Variants in POT1 observed in about 807,000 individuals in gnomAD.
POT1 encodes the protein protection of telomeres protein 1.
A neutral mutation model predicts 78.5 loss-of-function variants in POT1; 47 were observed. The ratio of observed to expected loss-of-function variants is 0.60; its 90% CI spans 0.47 to 0.76. The LOEUF (loss-of-function observed/expected upper bound fraction) is 0.76, where lower values mean the gene tolerates loss of function less well. POT1 is among the 30% of genes least tolerant of loss of function. POT1 has a pLI of 0.00. For missense variants in POT1, 646 were observed against 749.9 expected (o/e 0.86, Z 1.62); for synonymous variants, 259 against 260.7 (o/e 0.99, Z 0.06).
At chr7:124,903,063 C>A (rs1488162880) in intron 3 of POT1, among the ~76,000 whole-genome samples, 3 of 152,142 alleles carry the variant, frequency 2.0e-5, no homozygotes, top group Non-Finnish European at 2.9e-5. Flanking sequence ...TAGACTCCCA[C>A]ACAATAATAA....
intron 13 of POT1, among the ~76,000 whole-genome samples, chr7:124,842,420 C>T (rs1795049521): frequency 1.3e-5 from 2 of 151,718 alleles, no homozygotes; most frequent in African/African-American, 4.8e-5. Flanking sequence ...AGAAGTTTAC[C>T]AACAAGGCTC....
chr7:124,823,992 A>C lies in POT1; in HGVS notation c.1875T>G (p.Phe625Leu), dbSNP rs1794569429. The change falls in exon 19 of 19, where the codon TTT becomes TTG. Residue 625 changes from phenylalanine to leucine, a missense_variant. Phe to Leu is a conservative substitution (Grantham distance 22). Around this residue, in one of 2 missense-constraint regions of POT1, gnomAD observed 394 missense variants for 408.4 expected, o/e 0.96. Coordinates refer to ENST00000357628, the MANE Select transcript of POT1 (RefSeq NM_015450.3). ...GTDNQICYQI[F>L]DTTVAEDVI ...TTACATCTTCTGCAACTGTGGTGTC[A>C]AAAATCTGATAGCAAATTTGATTAT... The C allele has an allele frequency of 2.5e-6, 4 of 1,602,128 alleles. No homozygotes were observed. The highest frequency in any genetic ancestry group is 3.4e-6 in the Non-Finnish European group (4 of 1,170,318).
chr7:124,916,188 A>C (rs1399296569), intron 2 of POT1, among the ~76,000 whole-genome samples: 1 of 152,142 alleles, frequency 6.6e-6, no homozygotes, highest in Admixed American at 6.6e-5. Context: ...GTTTTTGTAA[A>C]TAAAATTTAA....
At chr7:124,879,016 T>C (rs1796056122) in intron 6 of POT1, among the ~76,000 whole-genome samples, 1 of 152,084 alleles carries the variant, frequency 6.6e-6, no homozygotes. Context: ...AAAAAAAGAT[T>C]AAAAATTTAA....
At chr7:124,890,667 C>T (rs931167429) in intron 6 of POT1, among the ~76,000 whole-genome samples, 6 of 151,832 alleles carry the variant, frequency 4.0e-5, no homozygotes, top group African/African-American at 1.2e-4. Context: ...GATGATAACT[C>T]GCTGAAGGCT....
chr7:124,892,353 G>GTGTATATATATA lies in POT1; in HGVS notation c.25_36dup (p.Tyr9_Thr12dup). On this transcript the variant is annotated inframe_insertion, in exon 6 of 19. Transcript: ENST00000357628. Reference sequence around the variant, plus strand: ...GTACCACCCTTAAGTTGATTCAGGGGTGTATATATATAATTTGTTGCTGGA... The same window carrying GTGTATATATATA: ...GTACCACCCTTAAGTTGATTCAGGGGTGTATATATATATGTATATATATAATTTGTTGCTGGA... 1 of 1,498,466 alleles carries GTGTATATATATA rather than the reference G, an allele frequency of 6.7e-7. No homozygotes were observed. The highest frequency in any genetic ancestry group is 8.9e-7 in the Non-Finnish European group (1 of 1,129,564). The allele number at this position is 1,498,466 out of a possible 1,614,324, so 92.8% of individuals were successfully genotyped here.
At chr7:124,843,247 G>C in intron 12 of POT1, 1 of 218,544 alleles carries the variant, frequency 4.6e-6, no homozygotes. Flanking sequence ...AAAAAGCAAG[G>C]TTTATTTAGC....
chr7:124,860,661 G>T (rs1050683399), intron 8 of POT1, among the ~76,000 whole-genome samples: 8 of 152,052 alleles, frequency 5.3e-5, no homozygotes, highest in African/African-American at 1.9e-4. Context: ...AGAATGTGCA[G>T]GTTTGTTACA....
intron 6 of POT1, among the ~76,000 whole-genome samples, chr7:124,874,436 C>T (rs1795939873): frequency 6.6e-6 from 1 of 152,026 alleles, no homozygotes; most frequent in Admixed American, 6.6e-5. Context: ...AAAAAGACAG[C>T]AGAAAATTAC....
chr7:124,842,778 A>C lies in POT1; in HGVS notation c.1163+29T>G, dbSNP rs200529084. 7 of 1,554,032 alleles carry C rather than the reference A, an allele frequency of 4.5e-6. No individual in the cohort carries two copies. Among genetic ancestry groups the C allele is most frequent in the Non-Finnish European group, 6.1e-6 (7 of 1,148,164 alleles). ...ACATATACACACAAATAATATGAAAACGTTTGTTTTATTATGGAAAATACT... is the reference window on the plus strand; with the variant it reads ...ACATATACACACAAATAATATGAAACCGTTTGTTTTATTATGGAAAATACT... On this transcript the variant is annotated intron_variant, in intron 13 of 18. Transcript: ENST00000357628.
chr7:124,831,729 G>A (rs939235991), intron 15 of POT1, among the ~76,000 whole-genome samples: 1 of 151,900 alleles, frequency 6.6e-6, no homozygotes, highest in African/African-American at 2.4e-5. Context: ...ATCTACATGC[G>A]TCAATAGTGG....
rs971078288 is a variant in POT1 at position 124,886,192 on chromosome 7, C to T, written c.124+6074G>A. Among the ~76,000 whole-genome samples the T allele has an allele frequency of 5.1e-4, 77 of 152,202 alleles. 2 individuals carry two copies. The highest frequency in any genetic ancestry group is 3.1e-4 in the Non-Finnish European group (21 of 67,982). ...TGAACATTTATAAGATGAATTTTCA[C>T]GAAAAATTCTAGCTAATGATATGTA... On this transcript the variant is annotated intron_variant, in intron 6 of 18. Transcript: ENST00000357628.
chr7:124,923,424 G>C (rs916029559), intron 2 of POT1, among the ~76,000 whole-genome samples: 4 of 151,684 alleles, frequency 2.6e-5, no homozygotes, highest in African/African-American at 9.7e-5. Context: ...GCAAAAGAAA[G>C]AATCTCAGAA....
Position 124,897,141 on chromosome 7 carries a change from AAATT to A in POT1, c.9+20_9+23del. 7.1e-7 allele frequency: 1 copy of A among 1,417,808 alleles called. No homozygotes were observed. Among genetic ancestry groups the A allele is most frequent in the South Asian group, 1.2e-5 (1 of 81,204 alleles). 87.8% of individuals were successfully genotyped at this position (1,417,808 alleles called of 1,614,324 possible). ...TATACAGGTATAGGTGTAATACTCT[AAATT>A]AAACTGAATATCATCTTACCAAAGA... On this transcript the variant is annotated intron_variant, in intron 5 of 18. Transcript: ENST00000357628.
At chr7:124,833,719 G>A (rs1794824918) in intron 15 of POT1, among the ~76,000 whole-genome samples, 1 of 152,276 alleles carries the variant, frequency 6.6e-6, no homozygotes, top group East Asian at 1.9e-4. Context: ...GAAAACAAGT[G>A]AGTACCAGCC....
intron 6 of POT1, among the ~76,000 whole-genome samples, chr7:124,884,093 TAACAC>T (rs1450484590): frequency 6.6e-6 from 1 of 152,080 alleles, no homozygotes; most frequent in Non-Finnish European, 1.5e-5. Flanking sequence ...CCAGTATTGC[TAACAC>T]AAAACCAAAA....
At chr7:124,835,694 T>C (rs942868212) in intron 14 of POT1, among the ~76,000 whole-genome samples, 1 of 152,174 alleles carries the variant, frequency 6.6e-6, no homozygotes, top group African/African-American at 2.4e-5. Context: ...CAGGAACACT[T>C]TGGTTCAAAT....
chr7:124,856,596 G>C (rs1562989597), intron 9 of POT1, among the ~76,000 whole-genome samples: 1 of 152,068 alleles, frequency 6.6e-6, no homozygotes, highest in Non-Finnish European at 1.5e-5. Context: ...CCTCACTACA[G>C]GGAAAGCACT....
At chr7:124,902,577 A>G (rs1397275637) in intron 3 of POT1, among the ~76,000 whole-genome samples, 2 of 152,238 alleles carry the variant, frequency 1.3e-5, no homozygotes, top group East Asian at 3.8e-4. Flanking sequence ...AAACATGCCA[A>G]ATTGTAAAGA....
Sources: gnomAD v4.1 joint callset for allele counts (sites outside exome capture counted in the v4.1 genomes callset) on GRCh38, gnomAD v4.1.1 for gene constraint, gnomAD v4.1.1 regional missense constraint, MANE v1.5 for transcripts, NCBI Gene and HGNC (gene_info 2026-07-23, HGNC 2026-07-21) for gene names.